Variants in ZCCHC4 observed in about 807,000 individuals in gnomAD.
ZCCHC4 encodes the protein rRNA N(6)-adenosine-methyltransferase ZCCHC4.
ZCCHC4 carries 54 observed loss-of-function variants against 67.7 expected under a neutral mutation model. The observed-to-expected ratio is 0.80, with a 90% CI of 0.64 to 1.00. The LOEUF is 1.00. Among genes scored for constraint, ZCCHC4 ranks in the 50% least tolerant of loss-of-function variants. The pLI, the probability that ZCCHC4 is intolerant of heterozygous loss-of-function variation, is 0.00. For synonymous variants in ZCCHC4, 198 were observed against 213.5 expected, an observed-to-expected ratio of 0.93 and a Z score of 0.63; for missense variants, 609 against 617.0, an observed-to-expected ratio of 0.99 and a Z score of 0.14.
At chr4:25,365,972 C>T (rs982788394) in intron 12 of ZCCHC4, 1 of 980,358 alleles carries the variant, frequency 1.0e-6, no homozygotes. Context: ...GATTACCAGA[C>T]AGCTAAATTT....
At chr4:25,318,797 T>TGGG (rs33910705) in intron 3 of ZCCHC4, among the ~76,000 whole-genome samples, 3 of 151,526 alleles carry the variant, frequency 2.0e-5, no homozygotes, top group Non-Finnish European at 4.4e-5. Flanking sequence ...TTATTTTTTT[T>TGGG]GGGGGGCCAT....
chr4:25,337,213 A>G (rs1719500675), intron 5 of ZCCHC4, among the ~76,000 whole-genome samples: 1 of 152,220 alleles, frequency 6.6e-6, no homozygotes, highest in African/African-American at 2.4e-5. Flanking sequence ...TGGAAATCCA[A>G]TCACGTAAAA....
intron 3 of ZCCHC4, among the ~76,000 whole-genome samples, chr4:25,318,349 C>CTTTTT (rs528144406): frequency 5.3e-3 from 242 of 45,488 alleles, no homozygotes; most frequent in Middle Eastern, 0.048. Context: ...CACTCTCTCT[C>CTTTTT]TTTTTTTTTT....
intron 3 of ZCCHC4, among the ~76,000 whole-genome samples, chr4:25,328,651 G>A (rs1024314867): frequency 6.6e-6 from 1 of 151,870 alleles, no homozygotes; most frequent in East Asian, 1.9e-4. Flanking sequence ...GTGCAATCAT[G>A]GCTCACTGCA....
chr4:25,360,381 C>T (rs1179503360), intron 8 of ZCCHC4, among the ~76,000 whole-genome samples: 1 of 152,202 alleles, frequency 6.6e-6, no homozygotes, highest in Non-Finnish European at 1.5e-5. Context: ...ATAGTTTTGG[C>T]TGGGGCCAAT....
chr4:25,361,459 A>C (rs889580233), intron 8 of ZCCHC4, among the ~76,000 whole-genome samples: 12 of 152,216 alleles, frequency 7.9e-5, no homozygotes, highest in African/African-American at 2.9e-4. Flanking sequence ...TCCACATGTT[A>C]TATAACCACG....
chr4:25,316,323 A>G (rs1476774594), intron 3 of ZCCHC4, among the ~76,000 whole-genome samples: 4 of 152,190 alleles, frequency 2.6e-5, no homozygotes, highest in African/African-American at 4.8e-5. Flanking sequence ...CCTGTCTTCA[A>G]TTCTTTTGGG....
Position 25,349,536 on chromosome 4 carries a change from C to T in ZCCHC4, c.804C>T (p.Gly268=), listed in dbSNP as rs745550154. Residue 268 remains glycine (G), a synonymous_variant, in exon 7 of 13, where the codon GGC becomes GGT. Coordinates refer to ENST00000302874, the MANE Select transcript of ZCCHC4 (RefSeq NM_024936.3). ...GAGCATTTTTACAGGAAGATAAAGG[C>T]GAAGGAATCATTATGGTGACGGATC... ...VCRAFLQEDK[G]EGIIMVTDPP... is the part of the protein sequence containing the mutation. The T allele has an allele frequency of 4.3e-6, 7 of 1,613,894 alleles. No individual in the cohort carries two copies. Among genetic ancestry groups the T allele is most frequent in the East Asian group, 2.2e-5 (1 of 44,874 alleles).
intron 3 of ZCCHC4, among the ~76,000 whole-genome samples, chr4:25,329,548 T>TG (rs397700992): frequency 2.0e-5 from 3 of 149,552 alleles, no homozygotes; most frequent in Admixed American, 1.3e-4. Context: ...TTTTTTTTTT[T>TG]GTTTTGAGAC....
At chr4:25,356,391 C>T (rs575763285) in intron 8 of ZCCHC4, among the ~76,000 whole-genome samples, 1 of 152,238 alleles carries the variant, frequency 6.6e-6, no homozygotes, top group East Asian at 1.9e-4. Flanking sequence ...TTAATTTACT[C>T]TAGCAGCATG....
chr4:25,337,242 A>G (rs1461052557), intron 5 of ZCCHC4, among the ~76,000 whole-genome samples: 1 of 152,232 alleles, frequency 6.6e-6, no homozygotes, highest in Admixed American at 6.5e-5. Flanking sequence ...ATTGATTTAC[A>G]TTACTGAGGT....
chr4:25,349,741 C>A, intron 7 of ZCCHC4, 99 bp downstream of exon 7: 1 of 1,265,110 alleles, frequency 7.9e-7, no homozygotes, highest in Non-Finnish European at 1.1e-6. Context: ...ATAGAATATA[C>A]ATGTCTTGAG....
chr4:25,366,376 C>CCTGAT (rs1221012451), intron 12 of ZCCHC4: 1 of 617,480 alleles, frequency 1.6e-6, no homozygotes, highest in Non-Finnish European at 2.0e-6. Context: ...AGTGCAGTGG[C>CCTGAT]CTGATCTCGG....
intron 6 of ZCCHC4, among the ~76,000 whole-genome samples, chr4:25,346,627 G>GT (rs1720035194): frequency 6.6e-6 from 1 of 152,150 alleles, no homozygotes; most frequent in Non-Finnish European, 1.5e-5. Context: ...CCCTGATTTA[G>GT]TAAGTATAGC....
intron 3 of ZCCHC4, among the ~76,000 whole-genome samples, chr4:25,316,173 A>G (rs1560395540): frequency 6.6e-6 from 1 of 152,232 alleles, no homozygotes; most frequent in African/African-American, 2.4e-5. Flanking sequence ...CCTTTTTACA[A>G]CTGAATAATA....
chr4:25,328,089 C>T (rs1197547470), intron 3 of ZCCHC4, among the ~76,000 whole-genome samples: 1 of 151,988 alleles, frequency 6.6e-6, no homozygotes, highest in Non-Finnish European at 1.5e-5. Flanking sequence ...ATAATGGTGG[C>T]CTCATGAAAT....
chr4:25,350,254 C>A (rs371554571), intron 7 of ZCCHC4, among the ~76,000 whole-genome samples: 3 of 84,896 alleles, frequency 3.5e-5, no homozygotes, highest in South Asian at 4.2e-4. Flanking sequence ...GGTACTGCTT[C>A]TTTTTTTTTT....
chr4:25,365,995 A>G, intron 12 of ZCCHC4: 3 of 836,384 alleles, frequency 3.6e-6, no homozygotes, highest in Non-Finnish European at 4.1e-6. Context: ...CATTATATGA[A>G]ATTATATGAC....
At chr4:25,325,160 G>A (rs1247486087) in intron 3 of ZCCHC4, among the ~76,000 whole-genome samples, 4 of 118,354 alleles carry the variant, frequency 3.4e-5, no homozygotes, top group East Asian at 2.1e-4. Flanking sequence ...GGAGAATGGC[G>A]TGAATCCCGG....
Sources: gnomAD v4.1 joint callset for allele counts (sites outside exome capture counted in the v4.1 genomes callset) on GRCh38, gnomAD v4.1.1 for gene constraint, MANE v1.5 for transcripts, NCBI Gene and HGNC (gene_info 2026-07-23, HGNC 2026-07-21) for gene names.